Variants in ZNF638 observed in about 807,000 individuals in gnomAD.
ZNF638 encodes zinc finger protein 638, also known as CTCL tumor antigen se33-1.
ZNF638 carries 46 observed loss-of-function variants against 195.6 expected under a neutral mutation model. The ratio of observed to expected loss-of-function variants is 0.24; its 90% confidence interval spans 0.19 to 0.30. ZNF638 has a LOEUF of 0.30. Among genes scored for constraint, ZNF638 ranks in the 10% least tolerant of loss-of-function variants. ZNF638 has a pLI of 1.00. For missense variants in ZNF638, 2,440 were observed against 2,325.3 expected (o/e 1.05, Z -1.01); for synonymous variants, 845 against 772.0 (o/e 1.09, Z -1.57).
intron 5 of ZNF638, 61 bp downstream of exon 5, chr2:71,364,313 T>A: frequency 1.1e-5 from 16 of 1,497,826 alleles, no homozygotes; most frequent in Non-Finnish European, 1.4e-5. Context: ...TAAATGTCTT[T>A]CTTTTTGGAT....
chr2:71,396,252 G>A (rs1369418700), intron 11 of ZNF638, 61 bp downstream of exon 11: 59 of 1,368,090 alleles, frequency 4.3e-5, no homozygotes, highest in Non-Finnish European at 3.1e-5. Flanking sequence ...TTTTAAAATC[G>A]TATGGCAGTA....
intron 14 of ZNF638, 75 bp from the exon 15 acceptor site, chr2:71,400,403 G>A: frequency 2.8e-6 from 4 of 1,424,414 alleles, no homozygotes; most frequent in South Asian, 1.3e-5. Context: ...TGTAGCTACT[G>A]TTTAACCTAT....
chr2:71,400,551 G>T, intron 15 of ZNF638, 33 bp downstream of exon 15: 3 of 1,543,580 alleles, frequency 1.9e-6, no homozygotes, highest in Non-Finnish European at 2.6e-6. Flanking sequence ...TTTCTTTAAA[G>T]CTCAAGACAT....
intron 6 of ZNF638, among the ~76,000 whole-genome samples, chr2:71,367,585 G>A (rs149584102): frequency 0.013 from 1,935 of 151,920 alleles, 37 homozygotes; most frequent in African/African-American, 0.042. Flanking sequence ...GATTATAGGC[G>A]TGTGCCACCA....
chr2:71,346,742 G>A (rs1430244057), intron 1 of ZNF638, among the ~76,000 whole-genome samples: 2 of 152,090 alleles, frequency 1.3e-5, no homozygotes, highest in African/African-American at 4.8e-5. Flanking sequence ...AAAGGTTATT[G>A]AATGCCGGGC....
rs929872260 is a variant in ZNF638, at chr2:71,331,817, C to T, written c.-261C>T. The T allele has an allele frequency of 3.0e-6, 3 of 986,034 alleles. No homozygotes were observed. Among genetic ancestry groups the T allele is most frequent in the East Asian group, 1.1e-4 (1 of 8,808 alleles). The allele number at this position is 986,034 out of a possible 1,614,324, so 61.1% of individuals were successfully genotyped here. A position where few individuals can be genotyped will look rare whatever the true frequency, so the allele number is the denominator to read the frequency against. On this transcript the variant is annotated 5_prime_UTR_variant, in exon 1 of 28. Transcript: ENST00000264447. ...GCGTTTTCGGCGTCGAGACTGGAGG[C>T]TGAGTGCTAAACTGTGTGGGGCGCG...
chr2:71,416,736 C>G (rs374907922), intron 20 of ZNF638, among the ~76,000 whole-genome samples: 7,030 of 85,074 alleles, frequency 0.083, 333 homozygotes, highest in East Asian at 0.11. Flanking sequence ...AATACCCTGC[C>G]GTGTGAGGTG....
intron 20 of ZNF638, among the ~76,000 whole-genome samples, chr2:71,409,157 T>A (rs1342384170): frequency 6.6e-6 from 1 of 152,136 alleles, no homozygotes; most frequent in East Asian, 1.9e-4. Context: ...GAAGTGAAAA[T>A]TTACATAAAC....
chr2:71,345,748 G>A (rs564067601), intron 1 of ZNF638, among the ~76,000 whole-genome samples: 8 of 151,906 alleles, frequency 5.3e-5, no homozygotes, highest in African/African-American at 1.4e-4. Context: ...CAGAGCAGTC[G>A]GCCTGCCTTG....
intron 16 of ZNF638, among the ~76,000 whole-genome samples, chr2:71,403,352 T>C (rs546117261): frequency 2.0e-5 from 3 of 152,248 alleles, no homozygotes; most frequent in East Asian, 3.9e-4. Flanking sequence ...TTTCAACCTC[T>C]TTACTTACCA....
At chr2:71,384,342 G>C (rs1296419463) in intron 10 of ZNF638, among the ~76,000 whole-genome samples, 1 of 152,156 alleles carries the variant, frequency 6.6e-6, no homozygotes, top group Non-Finnish European at 1.5e-5. Context: ...TCTACTTCTA[G>C]CAACCAGTGG....
intron 3 of ZNF638, 45 bp from the exon 4 acceptor site, chr2:71,363,108 A>G (rs746688403): frequency 7.2e-7 from 1 of 1,393,248 alleles, no homozygotes; most frequent in Admixed American, 1.9e-5. Context: ...TGAGCCTTAC[A>G]GTCTGATTTT....
chr2:71,333,912 TAG>T (rs1163057893), intron 1 of ZNF638, among the ~76,000 whole-genome samples: 12 of 152,352 alleles, frequency 7.9e-5, no homozygotes, highest in East Asian at 3.9e-4. Flanking sequence ...TTGAAGTGCT[TAG>T]GCAGCATTGT....
chr2:71,434,817 A>T lies in ZNF638; in HGVS notation c.*10A>T, dbSNP rs1335179034. ...AAGAAGCTCTAGGTGATTGGGGGAA[A>T]GGAAAGAATTCACTAGAAATTTGTT... On this transcript the variant is annotated 3_prime_UTR_variant, in exon 28 of 28. Transcript: ENST00000264447. 1 of 1,588,398 alleles carries T rather than the reference A, an allele frequency of 6.3e-7. No individual in the cohort carries two copies. The highest frequency in any genetic ancestry group is 1.2e-5 in the South Asian group (1 of 86,026).
rs963375102 is a variant in ZNF638 at position 71,365,522 on chromosome 2, A to C, written c.1811A>C (p.His604Pro). 6.2e-7 allele frequency: 1 copy of C among 1,614,134 alleles called. No individual in the cohort carries two copies. The change falls in exon 6 of 28, where the codon CAT becomes CCT. Residue 604 changes from histidine (H) to proline (P), a missense_variant. This residue lies in a region of ZNF638 where 1,883 missense variants were observed against 1,739.1 expected (regional missense o/e 1.08). Coordinates refer to ENST00000264447, the MANE Select transcript of ZNF638 (RefSeq NM_014497.5). Reference sequence around the variant, plus strand: ...CATCTTGAAGCTGCTGATAAGGGACATTCACCAGCACAAAAGCCTAAAACT... The same window carrying C: ...CATCTTGAAGCTGCTGATAAGGGACCTTCACCAGCACAAAAGCCTAAAACT... ...QKHLEAADKG[H>P]SPAQKPKTSS...
intron 23 of ZNF638, among the ~76,000 whole-genome samples, chr2:71,426,027 G>A (rs1323975384): frequency 1.3e-5 from 2 of 152,166 alleles, no homozygotes; most frequent in Non-Finnish European, 2.9e-5. Flanking sequence ...AAATGGAACA[G>A]CCTAATTAGC....
Position 71,331,809 on chromosome 2 carries a change from A to C in ZNF638, c.-269A>C, listed in dbSNP as rs2078572862. On this transcript the variant is annotated 5_prime_UTR_variant, in exon 1 of 28. Coordinates refer to ENST00000264447, the MANE Select transcript of ZNF638 (RefSeq NM_014497.5). ...AGGCGGTAGCGTTTTCGGCGTCGAGACTGGAGGCTGAGTGCTAAACTGTGT... is the reference window on the plus strand; with the variant it reads ...AGGCGGTAGCGTTTTCGGCGTCGAGCCTGGAGGCTGAGTGCTAAACTGTGT... The C allele has an allele frequency of 2.0e-6, 2 of 985,922 alleles. No homozygotes were observed. The highest frequency in any genetic ancestry group is 1.2e-4 in the Admixed American group (2 of 16,264). 61.1% of individuals were successfully genotyped at this position (985,922 alleles called of 1,614,324 possible).
intron 23 of ZNF638, among the ~76,000 whole-genome samples, chr2:71,425,794 C>T (rs191172553): frequency 1.2e-3 from 190 of 152,098 alleles, no homozygotes; most frequent in Middle Eastern, 3.4e-3. Context: ...CTCAGCCTCC[C>T]GAGTAGCTGG....
intron 10 of ZNF638, among the ~76,000 whole-genome samples, chr2:71,389,173 C>T (rs2104388447): frequency 6.6e-6 from 1 of 152,212 alleles, no homozygotes; most frequent in African/African-American, 2.4e-5. Flanking sequence ...AAAGAGGAAA[C>T]AGAGGTTTTC....
Sources: allele counts gnomAD v4.1 joint callset (sites outside exome capture counted in the v4.1 genomes callset), GRCh38; gene constraint gnomAD v4.1.1; regional missense constraint gnomAD v4.1.1; transcripts MANE v1.5; gene names NCBI Gene and HGNC (gene_info 2026-07-23, HGNC 2026-07-21).